The following IL16 variants were observed in gnomAD, a reference collection of about 807,000 sequenced individuals.
IL16 encodes the protein interleukin 16.
IL16 carries 67 observed loss-of-function variants against 110.1 expected under a neutral mutation model. That is an observed-to-expected ratio of 0.61 (90% CI 0.50 to 0.75). IL16 has a LOEUF of 0.75. IL16 is among the 30% of genes least tolerant of loss of function. The pLI, the probability that IL16 is intolerant of heterozygous loss-of-function variation, is 0.00. For missense variants in IL16, 1,545 were observed against 1,655.0 expected (o/e 0.93, Z 1.15); for synonymous variants, 689 against 662.9 (o/e 1.04, Z -0.61).
intron 1 of IL16, among the ~76,000 whole-genome samples, chr15:81,207,697 A>G (rs1233888987): frequency 1.3e-5 from 2 of 152,204 alleles, no homozygotes; most frequent in East Asian, 1.9e-4. Flanking sequence ...TGCAAAGGAC[A>G]TGATTTCATT....
At chr15:81,206,287 A>G (rs1896015530) in intron 1 of IL16, among the ~76,000 whole-genome samples, 1 of 152,214 alleles carries the variant, frequency 6.6e-6, no homozygotes, top group African/African-American at 2.4e-5. Flanking sequence ...GGTATTGCCT[A>G]CTGCTTCTAG....
intron 18 of IL16, 40 bp downstream of exon 18, chr15:81,306,585 T>TA (rs1228622828): frequency 1.2e-5 from 19 of 1,605,944 alleles, no homozygotes; most frequent in Non-Finnish European, 1.4e-5. Flanking sequence ...TCTCCAGTTG[T>TA]GGGCATGTGG....
At chr15:81,194,504 T>A (rs573823696), upstream of IL16, among the ~76,000 whole-genome samples, 56 of 150,884 alleles carry the variant, frequency 3.7e-4, 1 homozygote, top group African/African-American at 1.0e-3. Context: ...AAAATTAAAA[T>A]TTTTTAAATT....
At chr15:81,207,477 A>T (rs1178010721) in intron 1 of IL16, among the ~76,000 whole-genome samples, 1 of 152,112 alleles carries the variant, frequency 6.6e-6, no homozygotes, top group East Asian at 1.9e-4. Context: ...GATAGTGAGC[A>T]TAATACCCCA....
chr15:81,219,035 G>T (rs1306623099), intron 1 of IL16, among the ~76,000 whole-genome samples: 1 of 151,902 alleles, frequency 6.6e-6, no homozygotes, highest in Non-Finnish European at 1.5e-5. Flanking sequence ...TTACCTCTAA[G>T]CCATAAAGGT....
chr15:81,184,967 C>G, intron 1 of IL16, among the ~76,000 whole-genome samples: 1 of 152,122 alleles, frequency 6.6e-6, no homozygotes, highest in East Asian at 1.9e-4. Context: ...ACCATAGGTG[C>G]CTTGACTCCT....
chr15:81,193,826 C>T (rs1485717254), upstream of IL16, among the ~76,000 whole-genome samples: 1 of 152,054 alleles, frequency 6.6e-6, no homozygotes, highest in Admixed American at 6.6e-5. Context: ...AAGTTTTGGC[C>T]TCAACATTCT....
intron 2 of IL16, among the ~76,000 whole-genome samples, chr15:81,247,644 A>ATGGTG (rs761285516): frequency 4.6e-5 from 7 of 152,020 alleles, no homozygotes; most frequent in Admixed American, 2.0e-4. Flanking sequence ...TGACATTGCT[A>ATGGTG]TGGTGTGTGT....
Position 81,301,488 on chromosome 15 carries a change from G to T in IL16, c.3294G>T (p.Lys1098Asn). 1 of 1,613,332 alleles carries T rather than the reference G, an allele frequency of 6.2e-7. No homozygotes were observed. The highest frequency in any genetic ancestry group is 8.5e-7 in the Non-Finnish European group (1 of 1,179,812). Residue 1098 changes from lysine (K) to asparagine (N), a missense_variant, in exon 15 of 19, where the codon AAG (lysine) becomes AAT (asparagine). Coordinates refer to ENST00000683961, the MANE Select transcript of IL16 (RefSeq NM_172217.5). ...TAAAAAAACTCATCGAGGAGGTGAA[G>T]GTTCTGGATGAAGCAACATTAAAGG... Reference protein sequence around the residue: ...EELKKLIEEVKVLDEATLKQL... With the variant: ...EELKKLIEEVNVLDEATLKQL...
chr15:81,204,961 C>T (rs1238100732), intron 1 of IL16, among the ~76,000 whole-genome samples: 1 of 151,976 alleles, frequency 6.6e-6, no homozygotes, highest in Non-Finnish European at 1.5e-5. Flanking sequence ...CAAAACAAGA[C>T]AAATTTTAAG....
At chr15:81,289,263 G>A in intron 10 of IL16, among the ~76,000 whole-genome samples, 1 of 152,046 alleles carries the variant, frequency 6.6e-6, no homozygotes, top group Admixed American at 6.6e-5. Context: ...AGCCTCCCTA[G>A]TAGCAGGGAT....
At chr15:81,264,455 C>T (rs1209639130) in intron 3 of IL16, among the ~76,000 whole-genome samples, 4 of 152,184 alleles carry the variant, frequency 2.6e-5, no homozygotes, top group Non-Finnish European at 5.9e-5. Context: ...CTACCCTGGC[C>T]AGTGGCTTCC....
intron 10 of IL16, among the ~76,000 whole-genome samples, chr15:81,286,215 G>A (rs1899443774): frequency 6.6e-6 from 1 of 152,200 alleles, no homozygotes; most frequent in African/African-American, 2.4e-5. Context: ...GTCCTGCCCT[G>A]CAGAAGCTCA....
intron 3 of IL16, among the ~76,000 whole-genome samples, chr15:81,263,275 G>C (rs1166847372): frequency 6.6e-6 from 1 of 151,622 alleles, no homozygotes; most frequent in Non-Finnish European, 1.5e-5. Flanking sequence ...ATAAACTCAT[G>C]ACAATATGTA....
At chr15:81,290,172 T>C in intron 10 of IL16, 3 of 462,216 alleles carry the variant, frequency 6.5e-6, no homozygotes, top group Middle Eastern at 5.7e-4. Flanking sequence ...GTGGTAACTT[T>C]GCCTAGAATT....
chr15:81,212,167 C>G lies in IL16; in HGVS notation c.-101-13132C>G, dbSNP rs571744643. On this transcript the variant is annotated intron_variant, in intron 1 of 18. Coordinates refer to ENST00000683961, the MANE Select transcript of IL16 (RefSeq NM_172217.5). ...GTTGACAGGTTTCTTATTACTGATT[C>G]AATTTCAGTGCTTGATATTGGTCTA... Among the ~76,000 whole-genome samples, 3 of 151,550 alleles carry G rather than the reference C, an allele frequency of 2.0e-5. No individual in the cohort carries two copies. The East Asian group carries it at 5.8e-4, about 29-fold the overall frequency.
chr15:81,211,873 G>A (rs564172496), intron 1 of IL16, among the ~76,000 whole-genome samples: 16 of 152,220 alleles, frequency 1.1e-4, no homozygotes, highest in South Asian at 2.1e-4. Context: ...CTACTTGATC[G>A]TGGTGAATTA....
At chr15:81,281,796 T>C (rs979310046) in intron 8 of IL16, among the ~76,000 whole-genome samples, 1 of 152,252 alleles carries the variant, frequency 6.6e-6, no homozygotes, top group Non-Finnish European at 1.5e-5. Context: ...TCAGCAAGTC[T>C]ATCTTCAAAA....
intron 9 of IL16, 28 bp from the exon 10 acceptor site, chr15:81,285,670 T>G (rs753148720): frequency 2.5e-6 from 4 of 1,612,864 alleles, no homozygotes; most frequent in Non-Finnish European, 3.4e-6. Flanking sequence ...ATTCACTTAC[T>G]GATGGCTTCT....
Sources: gnomAD v4.1 joint callset for allele counts (sites outside exome capture counted in the v4.1 genomes callset) on GRCh38, gnomAD v4.1.1 for gene constraint, MANE v1.5 for transcripts, NCBI Gene and HGNC (gene_info 2026-07-23, HGNC 2026-07-21) for gene names.